The following KCNH1 variants were observed in gnomAD, a reference collection of about 807,000 sequenced individuals.
KCNH1 encodes potassium voltage-gated channel subfamily H member 1.
Under a neutral mutation model 69.2 loss-of-function variants are expected in KCNH1, and 27 were observed. The ratio of observed to expected loss-of-function variants is 0.39; its 90% CI spans 0.29 to 0.54. The LOEUF is 0.54. KCNH1 is among the 20% of genes least tolerant of loss of function. The pLI is 0.68. For synonymous variants in KCNH1, 456 were observed against 487.7 expected, an observed-to-expected ratio of 0.93 and a Z score of 0.86; for missense variants, 798 against 1,261.6, an observed-to-expected ratio of 0.63 and a Z score of 5.57.
chr1:210,784,681 G>C (rs1684059950), intron 9 of KCNH1, among the ~76,000 whole-genome samples: 1 of 151,858 alleles, frequency 6.6e-6, no homozygotes, highest in Non-Finnish European at 1.5e-5. Context: ...GGAGATCTCA[G>C]AGATATTCAA....
intron 6 of KCNH1, among the ~76,000 whole-genome samples, chr1:210,921,844 T>C (rs1338225292): frequency 3.3e-5 from 5 of 152,040 alleles, no homozygotes; most frequent in African/African-American, 1.2e-4. Flanking sequence ...CAAAATCAAT[T>C]TGAATTGTAT....
chr1:210,806,836 A>AAATAT (rs1553346591), intron 7 of KCNH1, among the ~76,000 whole-genome samples: 1 of 85,688 alleles, frequency 1.2e-5, no homozygotes, highest in Non-Finnish European at 2.2e-5. Flanking sequence ...AAAAAAAAAA[A>AAATAT]ATATATATAT....
At chr1:210,921,640 A>G (rs1687461259) in intron 6 of KCNH1, among the ~76,000 whole-genome samples, 1 of 152,172 alleles carries the variant, frequency 6.6e-6, no homozygotes, top group South Asian at 2.1e-4. Context: ...GTTCTTGCCA[A>G]CGGAATGTGA....
chr1:210,969,182 T>C (rs144859793), intron 6 of KCNH1, among the ~76,000 whole-genome samples: 4 of 152,248 alleles, frequency 2.6e-5, no homozygotes, highest in South Asian at 2.1e-4. Flanking sequence ...TTTTTGGTTA[T>C]AAATTTTTCA....
chr1:210,915,103 C>A (rs1297291970), intron 7 of KCNH1, among the ~76,000 whole-genome samples: 5 of 152,170 alleles, frequency 3.3e-5, no homozygotes, highest in African/African-American at 1.2e-4. Context: ...TAACCGGAGA[C>A]CTCCCAGATA....
At chr1:210,976,018 T>C (rs7523929) in intron 6 of KCNH1, among the ~76,000 whole-genome samples, 21,007 of 152,196 alleles carry the variant, frequency 0.14, 1,811 homozygotes, top group East Asian at 0.39. Flanking sequence ...CATCACTGGC[T>C]ATCAGAGAAA....
intron 6 of KCNH1, among the ~76,000 whole-genome samples, chr1:210,976,432 T>C (rs1431824227): frequency 6.8e-6 from 1 of 147,676 alleles, no homozygotes; most frequent in East Asian, 2.1e-4. Flanking sequence ...GGAATGGCGA[T>C]TATTAAAAAG....
At chr1:210,918,140 G>T (rs545175291) in intron 7 of KCNH1, among the ~76,000 whole-genome samples, 2 of 152,244 alleles carry the variant, frequency 1.3e-5, no homozygotes, top group East Asian at 3.9e-4. Flanking sequence ...TGCAAAAAAG[G>T]AGGTACCAAG....
At position 211,060,379 on chromosome 1, in the gene KCNH1, C is replaced by A. The variant is rs35829564; in HGVS notation, c.558+22401G>T. ...TCGCGCCACTGCACTCCAGCCTGGG[C>A]GACAGAGCGAGACTCCGTCTCAAAA... On this transcript the variant is annotated intron_variant, in intron 5 of 10. Coordinates refer to ENST00000271751, the MANE Select transcript of KCNH1 (RefSeq NM_172362.3). 4.2e-3 allele frequency among the ~76,000 whole-genome samples: 478 copies of A among 113,604 alleles called. 3 individuals are homozygous for A. Among genetic ancestry groups the A allele is most frequent in the African/African-American group, 0.015 (451 of 29,968 alleles). The allele number at this position is 113,604 out of a possible 152,430, so 74.5% of individuals were successfully genotyped here. A position where few individuals can be genotyped will look rare whatever the true frequency, so the allele number is the denominator to read the frequency against.
chr1:210,967,696 T>G (rs56999636), intron 6 of KCNH1, among the ~76,000 whole-genome samples: 1 of 152,014 alleles, frequency 6.6e-6, no homozygotes, highest in Non-Finnish European at 1.5e-5. Flanking sequence ...TTATAAGAAG[T>G]CTTAATTTCT....
At chr1:211,118,141 T>C (rs764522818) in intron 1 of KCNH1, among the ~76,000 whole-genome samples, 25 of 152,152 alleles carry the variant, frequency 1.6e-4, no homozygotes, top group Non-Finnish European at 2.6e-4. Context: ...TAGAAATAAA[T>C]CACATATTGG....
intron 10 of KCNH1, among the ~76,000 whole-genome samples, chr1:210,751,282 A>T (rs981958105): frequency 5.3e-5 from 8 of 152,190 alleles, no homozygotes; most frequent in Non-Finnish European, 7.4e-5. Flanking sequence ...AATCACATTG[A>T]TGAGGCTGCA....
intron 6 of KCNH1, among the ~76,000 whole-genome samples, chr1:210,937,148 A>G (rs907009308): frequency 6.6e-6 from 1 of 152,142 alleles, no homozygotes; most frequent in Non-Finnish European, 1.5e-5. Flanking sequence ...ACAACGGCTC[A>G]ATTTCTCATT....
rs1682364621 is a variant in KCNH1, at chr1:210,718,646, A to C, written c.2113-34508T>G. On this transcript the variant is annotated intron_variant, in intron 10 of 10. Coordinates refer to ENST00000271751, the MANE Select transcript of KCNH1 (RefSeq NM_172362.3). ...TGTGTATAAATATATATATACATAT[A>C]TATATACACACACACACACACACAC... is the stretch of plus-strand genomic sequence containing the variant. Among the ~76,000 whole-genome samples, 3 of 69,892 alleles carry C rather than the reference A, an allele frequency of 4.3e-5. 1 individual carries two copies. The South Asian group carries it at 1.2e-3, about 29-fold the overall frequency. 45.9% of individuals were successfully genotyped at this position (69,892 alleles called of 152,430 possible).
intron 4 of KCNH1, among the ~76,000 whole-genome samples, chr1:211,089,055 A>T (rs778211143): frequency 7.2e-5 from 11 of 152,216 alleles, no homozygotes; most frequent in Non-Finnish European, 1.2e-4. Context: ...ATACCAGCAC[A>T]TCACCTACAA....
At chr1:210,854,472 G>T (rs940078650) in intron 7 of KCNH1, among the ~76,000 whole-genome samples, 3 of 152,188 alleles carry the variant, frequency 2.0e-5, no homozygotes, top group African/African-American at 7.2e-5. Flanking sequence ...CCAAAACCTG[G>T]ATCTACAGAG....
intron 10 of KCNH1, among the ~76,000 whole-genome samples, chr1:210,689,339 T>C (rs1446936340): frequency 6.6e-6 from 1 of 152,200 alleles, no homozygotes; most frequent in African/African-American, 2.4e-5. Context: ...TGTTCTCCCC[T>C]TGGCCTGGTC....
rs80352478 is a variant in KCNH1, at chr1:210,718,703, C to A, written c.2113-34565G>T. Among the ~76,000 whole-genome samples the A allele has an allele frequency of 5.0e-3, 704 of 141,748 alleles. 29 individuals carry two copies. Among genetic ancestry groups the A allele is most frequent in the African/African-American group, 0.017 (638 of 36,606 alleles). 93.0% of individuals were successfully genotyped at this position (141,748 alleles called of 152,430 possible). ...ACACACACACACACATATATATATA[C>A]ACACTAAGTCTTCAAAATCCCTTGT... On this transcript the variant is annotated intron_variant, in intron 10 of 10. Transcript: ENST00000271751.
intron 3 of KCNH1, among the ~76,000 whole-genome samples, chr1:211,093,887 G>A (rs992994078): frequency 1.3e-5 from 2 of 152,112 alleles, no homozygotes; most frequent in Non-Finnish European, 2.9e-5. Flanking sequence ...TATAAAGGGG[G>A]GAAGGCAAAA....
Sources: allele counts gnomAD v4.1 joint callset (sites outside exome capture counted in the v4.1 genomes callset), GRCh38; gene constraint gnomAD v4.1.1; transcripts MANE v1.5; gene names NCBI Gene and HGNC (gene_info 2026-07-23, HGNC 2026-07-21).